Variants in EVI5 observed in about 807,000 individuals in gnomAD.
EVI5 encodes ecotropic viral integration site 5 protein homolog.
In EVI5, 73 loss-of-function variants were observed where a neutral mutation model predicts 112.0. The observed-to-expected ratio is 0.65, with a 90% CI of 0.54 to 0.79. The LOEUF (loss-of-function observed/expected upper bound fraction) is 0.79. Ranked by LOEUF, EVI5 falls within the 30% of genes least tolerant of loss-of-function variation. EVI5 has a pLI of 0.00. For synonymous variants in EVI5, 305 were observed against 319.9 expected, an observed-to-expected ratio of 0.95 and a Z score of 0.50; for missense variants, 900 against 968.8, an observed-to-expected ratio of 0.93 and a Z score of 0.94.
intron 19 of EVI5, among the ~76,000 whole-genome samples, chr1:92,539,548 A>AC (rs1433797647): frequency 2.5e-5 from 1 of 40,166 alleles, no homozygotes; most frequent in Non-Finnish European, 4.1e-5. Flanking sequence ...ATCTCAAAAA[A>AC]AAAAAAAAAA....
intron 1 of EVI5, among the ~76,000 whole-genome samples, chr1:92,749,644 G>T (rs1251555248): frequency 6.6e-6 from 1 of 151,898 alleles, no homozygotes; most frequent in Non-Finnish European, 1.5e-5. Flanking sequence ...AGTTAAGCAG[G>T]AGAGTACTAA....
At chr1:92,707,179 C>CAA (rs1299441165) in intron 2 of EVI5, among the ~76,000 whole-genome samples, 46 of 26,272 alleles carry the variant, frequency 1.8e-3, no homozygotes, top group African/African-American at 2.5e-3. Context: ...AACTCTGTCT[C>CAA]AAAAAAAAAA....
chr1:92,734,718 G>A (rs772458771), intron 2 of EVI5, among the ~76,000 whole-genome samples: 39 of 152,134 alleles, frequency 2.6e-4, no homozygotes, highest in African/African-American at 8.4e-4. Flanking sequence ...ACACTTTTAA[G>A]AGAATGGTAA....
intron 11 of EVI5, among the ~76,000 whole-genome samples, chr1:92,665,649 T>A (rs1365529675): frequency 6.6e-6 from 1 of 152,154 alleles, no homozygotes; most frequent in Non-Finnish European, 1.5e-5. Context: ...CCCAACTAAA[T>A]TATAAAAGAA....
At chr1:92,739,273 CAAAA>C (rs72016918) in intron 1 of EVI5, among the ~76,000 whole-genome samples, 22 of 76,476 alleles carry the variant, frequency 2.9e-4, no homozygotes, top group African/African-American at 8.5e-4. Context: ...AACTCCGTCT[CAAAA>C]AAAAAAAAAA....
At chr1:92,660,829 G>A (rs75534706) in intron 13 of EVI5, among the ~76,000 whole-genome samples, 1 of 151,870 alleles carries the variant, frequency 6.6e-6, no homozygotes. Flanking sequence ...ACCATAAAGG[G>A]AATGATAGAA....
intron 16 of EVI5, among the ~76,000 whole-genome samples, chr1:92,620,736 A>G (rs1654363374): frequency 6.6e-6 from 1 of 152,196 alleles, no homozygotes; most frequent in South Asian, 2.1e-4. Context: ...GGAAATGATA[A>G]AAGAACTTCT....
chr1:92,789,688 G>A (rs894392918), upstream of EVI5, among the ~76,000 whole-genome samples: 3 of 152,172 alleles, frequency 2.0e-5, no homozygotes, highest in Admixed American at 6.5e-5. Flanking sequence ...ATTGATTTGG[G>A]TCACTGTCTG....
intron 19 of EVI5, among the ~76,000 whole-genome samples, chr1:92,554,141 GATAGA>G (rs1285467961): frequency 1.6e-4 from 25 of 152,306 alleles, no homozygotes; most frequent in African/African-American, 4.8e-4. Context: ...TGCAGTCTTA[GATAGA>G]ATAGAAGTGC....
intron 19 of EVI5, among the ~76,000 whole-genome samples, chr1:92,556,027 C>T (rs1571512284): frequency 6.6e-6 from 1 of 151,520 alleles, no homozygotes; most frequent in East Asian, 1.9e-4. Flanking sequence ...GCTGAATGAG[C>T]CTTAAAAAGA....
At chr1:92,623,885 C>A (rs761092211) in intron 16 of EVI5, among the ~76,000 whole-genome samples, 1 of 152,196 alleles carries the variant, frequency 6.6e-6, no homozygotes, top group South Asian at 2.1e-4. Flanking sequence ...AAATTTTGCT[C>A]TGCATGGTGT....
intron 19 of EVI5, among the ~76,000 whole-genome samples, chr1:92,546,205 C>A (rs1200193760): frequency 5.9e-5 from 9 of 152,110 alleles, no homozygotes; most frequent in African/African-American, 1.9e-4. Context: ...AAAAGATGTT[C>A]AAATATTCAC....
chr1:92,568,520 C>T (rs546118396), intron 18 of EVI5, among the ~76,000 whole-genome samples: 3 of 152,138 alleles, frequency 2.0e-5, no homozygotes, highest in Non-Finnish European at 4.4e-5. Flanking sequence ...TAAGCCCTAA[C>T]GTCTAAAGCA....
chr1:92,667,037 A>T (rs927241768), intron 10 of EVI5, among the ~76,000 whole-genome samples: 5 of 152,188 alleles, frequency 3.3e-5, no homozygotes, highest in African/African-American at 9.6e-5. Flanking sequence ...CACACCTGCA[A>T]TCCACTTTGG....
At position 92,632,092 on chromosome 1, in the gene EVI5, T is replaced by C. The variant is rs373493496; in HGVS notation, c.1527+4110A>G. Among the ~76,000 whole-genome samples, 34 of 152,346 alleles carry C rather than the reference T, an allele frequency of 2.2e-4. No homozygotes were observed. The East Asian group carries it at 4.4e-3, about 20-fold the overall frequency. ...CTGGATTCGGTTTGCCAGTATTTTA[T>C]TGAGGATTTTCACATTGATGTTCAT... On this transcript the variant is annotated intron_variant, in intron 14 of 19. Coordinates refer to ENST00000684568, the MANE Select transcript of EVI5 (RefSeq NM_001350197.2).
chr1:92,535,199 T>C (rs979677897), intron 19 of EVI5, among the ~76,000 whole-genome samples: 16 of 152,016 alleles, frequency 1.1e-4, no homozygotes, highest in African/African-American at 3.4e-4. Context: ...GAAATGCAAA[T>C]CAAAACCACA....
chr1:92,715,916 C>T (rs976960524), intron 2 of EVI5, among the ~76,000 whole-genome samples: 1 of 152,100 alleles, frequency 6.6e-6, no homozygotes, highest in Non-Finnish European at 1.5e-5. Flanking sequence ...GGAGGGACAT[C>T]CACCATTGCT....
At chr1:92,644,541 G>A (rs1179280519) in intron 13 of EVI5, among the ~76,000 whole-genome samples, 3 of 151,988 alleles carry the variant, frequency 2.0e-5, no homozygotes, top group African/African-American at 7.3e-5. Flanking sequence ...ATTCTGCTTG[G>A]TTAGCTTGAA....
chr1:92,628,690 C>T (rs779349716), intron 14 of EVI5, among the ~76,000 whole-genome samples: 1 of 152,080 alleles, frequency 6.6e-6, no homozygotes, highest in Non-Finnish European at 1.5e-5. Context: ...GTAGGGAAAG[C>T]TCCCTAGATA....
Sources: gnomAD v4.1 joint callset for allele counts (sites outside exome capture counted in the v4.1 genomes callset) on GRCh38, gnomAD v4.1.1 for gene constraint, MANE v1.5 for transcripts, NCBI Gene and HGNC (gene_info 2026-07-23, HGNC 2026-07-21) for gene names.